The following XRCC4 variants were observed in gnomAD, a reference collection of about 807,000 sequenced individuals.
XRCC4 encodes DNA repair protein XRCC4.
A neutral mutation model predicts 39.1 loss-of-function variants in XRCC4; 28 were observed. That is an observed-to-expected ratio of 0.72 (90% CI 0.53 to 0.98). The LOEUF (loss-of-function observed/expected upper bound fraction) is 0.98, where lower values mean the gene tolerates loss of function less well. Ranked by LOEUF, XRCC4 falls within the 50% of genes least tolerant of loss-of-function variation. The pLI, the probability that XRCC4 is intolerant of heterozygous loss-of-function variation, is 0.00. For missense variants in XRCC4, 350 were observed against 376.4 expected, an observed-to-expected ratio of 0.93 and a Z score of 0.58; for synonymous variants, 123 against 126.4, an observed-to-expected ratio of 0.97 and a Z score of 0.18.
At chr5:83,210,113 G>A (rs907775687) in intron 6 of XRCC4, among the ~76,000 whole-genome samples, 11 of 152,134 alleles carry the variant, frequency 7.2e-5, no homozygotes, top group African/African-American at 2.7e-4. Context: ...AAATAGAACA[G>A]AATCCAATAT....
At chr5:83,149,694 T>C (rs1272773760) in intron 3 of XRCC4, among the ~76,000 whole-genome samples, 1 of 152,200 alleles carries the variant, frequency 6.6e-6, no homozygotes, top group Non-Finnish European at 1.5e-5. Flanking sequence ...GCTAACCTGC[T>C]AAGCTGCTAT....
downstream of XRCC4, among the ~76,000 whole-genome samples, chr5:83,356,893 G>A (rs1231850295): frequency 1.3e-5 from 2 of 152,016 alleles, no homozygotes; most frequent in African/African-American, 4.8e-5. Flanking sequence ...TGCATCAGAT[G>A]GTATGGCTCC....
chr5:83,217,839 G>A (rs1283782903), intron 6 of XRCC4, among the ~76,000 whole-genome samples: 1 of 152,106 alleles, frequency 6.6e-6, no homozygotes, highest in East Asian at 1.9e-4. Context: ...TATAACACTT[G>A]TTCTGCCACC....
intron 6 of XRCC4, among the ~76,000 whole-genome samples, chr5:83,243,241 A>T (rs1752981048): frequency 6.6e-6 from 1 of 152,200 alleles, no homozygotes; most frequent in Non-Finnish European, 1.5e-5. Context: ...TTCAGGAAAG[A>T]TGAAAATATA....
chr5:83,228,037 TAAA>T (rs761101444), intron 6 of XRCC4, among the ~76,000 whole-genome samples: 46 of 151,978 alleles, frequency 3.0e-4, no homozygotes, highest in Non-Finnish European at 5.9e-4. Flanking sequence ...TGGAAAAAAG[TAAA>T]ACCAAGGGTA....
intron 4 of XRCC4, chr5:83,201,133 A>C (rs1751173483): frequency 6.6e-6 from 1 of 152,240 alleles, no homozygotes; most frequent in Admixed American, 6.5e-5. Context: ...GAAAAAATAC[A>C]ATATTCGGAA....
At chr5:83,313,591 A>G (rs907548037) in intron 7 of XRCC4, among the ~76,000 whole-genome samples, 7 of 152,154 alleles carry the variant, frequency 4.6e-5, no homozygotes, top group Admixed American at 6.5e-5. Flanking sequence ...GATTCCTTTC[A>G]TACTTTTCTC....
At chr5:83,158,810 A>C (rs1035789948) in intron 3 of XRCC4, among the ~76,000 whole-genome samples, 8 of 152,134 alleles carry the variant, frequency 5.3e-5, no homozygotes, top group African/African-American at 1.9e-4. Context: ...TAAAGAACTA[A>C]TCTTATATAA....
At chr5:83,166,444 A>T (rs959682191) in intron 3 of XRCC4, among the ~76,000 whole-genome samples, 1 of 149,376 alleles carries the variant, frequency 6.7e-6, no homozygotes, top group Non-Finnish European at 1.5e-5. Context: ...CCAACAGTAT[A>T]TAAGTGTTCC....
chr5:83,193,909 C>G (rs1363925517), intron 3 of XRCC4, among the ~76,000 whole-genome samples: 1 of 151,180 alleles, frequency 6.6e-6, no homozygotes, highest in Non-Finnish European at 1.5e-5. Flanking sequence ...CTGTAGGTGA[C>G]TTTTTTTTTC....
chr5:83,331,298 A>G (rs1311294326), intron 7 of XRCC4, among the ~76,000 whole-genome samples: 1 of 152,130 alleles, frequency 6.6e-6, no homozygotes, highest in African/African-American at 2.4e-5. Flanking sequence ...TTATAAACAC[A>G]GACTAGTGAC....
At chr5:83,189,410 T>G (rs1026455752) in intron 3 of XRCC4, among the ~76,000 whole-genome samples, 1 of 152,222 alleles carries the variant, frequency 6.6e-6, no homozygotes, top group Non-Finnish European at 1.5e-5. Context: ...CTTAAAATGC[T>G]TATAATTTTT....
At chr5:83,313,719 C>T (rs1755786171) in intron 7 of XRCC4, among the ~76,000 whole-genome samples, 1 of 152,242 alleles carries the variant, frequency 6.6e-6, no homozygotes, top group African/African-American at 2.4e-5. Flanking sequence ...TAGATATTGA[C>T]TTGCTTCCTC....
intron 7 of XRCC4, among the ~76,000 whole-genome samples, chr5:83,338,239 A>G (rs1356616585): frequency 6.6e-6 from 1 of 152,218 alleles, no homozygotes; most frequent in Non-Finnish European, 1.5e-5. Flanking sequence ...GTAGAAAGAT[A>G]ACTAATTATA....
At chr5:83,198,999 C>G (rs1751065543) in intron 4 of XRCC4, among the ~76,000 whole-genome samples, 1 of 152,122 alleles carries the variant, frequency 6.6e-6, no homozygotes, top group Non-Finnish European at 1.5e-5. Flanking sequence ...TGCACTCAGA[C>G]CTCTACTTAG....
At chr5:83,129,851 C>G (rs1355330940) in intron 3 of XRCC4, among the ~76,000 whole-genome samples, 4 of 152,112 alleles carry the variant, frequency 2.6e-5, no homozygotes, top group African/African-American at 9.7e-5. Flanking sequence ...TGCTTATCAG[C>G]TTAAGGAGAT....
intron 3 of XRCC4, among the ~76,000 whole-genome samples, chr5:83,137,506 C>T (rs1019766115): frequency 1.3e-5 from 2 of 151,948 alleles, no homozygotes; most frequent in Admixed American, 6.6e-5. Flanking sequence ...CTATTAAAAC[C>T]GTTTATAGCC....
Position 83,140,227 on chromosome 5 carries a change from T to C in XRCC4, c.315+29024T>C, listed in dbSNP as rs140969583. Among the ~76,000 whole-genome samples, 22 of 152,262 alleles carry C rather than the reference T, an allele frequency of 1.4e-4. No individual in the cohort carries two copies. The East Asian group carries it at 4.3e-3, about 29-fold the overall frequency. On this transcript the variant is annotated intron_variant, in intron 3 of 7. Transcript: ENST00000396027. ...GCAAGCTGAGGATACAGGAAGCCAG[T>C]AGTGGCTCAGACTCAGTCCAAAAGC...
At chr5:83,153,301 C>T (rs1419212610) in intron 3 of XRCC4, among the ~76,000 whole-genome samples, 4 of 151,946 alleles carry the variant, frequency 2.6e-5, no homozygotes, top group Admixed American at 6.6e-5. Flanking sequence ...CTCCGCCTCC[C>T]GAGTTCAAGC....
Sources: gnomAD v4.1 joint callset for allele counts (sites outside exome capture counted in the v4.1 genomes callset) on GRCh38, gnomAD v4.1.1 for gene constraint, MANE v1.5 for transcripts, NCBI Gene and HGNC (gene_info 2026-07-23, HGNC 2026-07-21) for gene names.